The following ARHGAP26 variants were observed in gnomAD, a reference collection of about 807,000 sequenced individuals.
ARHGAP26 encodes Rho GTPase activating protein 26.
ARHGAP26 carries 38 observed loss-of-function variants against 104.8 expected under a neutral mutation model. The ratio of observed to expected loss-of-function variants is 0.36; its 90% confidence interval spans 0.28 to 0.48. ARHGAP26 has a LOEUF of 0.48. ARHGAP26 is among the 20% of genes least tolerant of loss of function. The probability of loss-of-function intolerance (pLI) is 0.99; values close to 1 mark genes in which losing one functional copy is unlikely to be tolerated. For synonymous variants in ARHGAP26, 341 were observed against 340.0 expected, an observed-to-expected ratio of 1.00 and a Z score of -0.03; for missense variants, 704 against 947.9, an observed-to-expected ratio of 0.74 and a Z score of 3.38.
rs947605475 is a variant in ARHGAP26 at position 142,850,831 on chromosome 5, G to A, written c.155-22569G>A. ...ATAAGGAATAGCTATTAGCTGGATA[G>A]CCAATGGATCTGAAAGGACTTTAAA... On this transcript the variant is annotated intron_variant, in intron 1 of 22. Transcript: ENST00000645722. Among the ~76,000 whole-genome samples, 4 of 152,344 alleles carry A rather than the reference G, an allele frequency of 2.6e-5. No individual in the cohort carries two copies. In the East Asian group the frequency reaches 7.7e-4, roughly 29 times the overall value.
intron 11 of ARHGAP26, among the ~76,000 whole-genome samples, chr5:142,949,178 A>AGAGAGAGAGAGAGAG (rs1767685407): frequency 1.3e-3 from 6 of 4,742 alleles, no homozygotes; most frequent in Admixed American, 3.1e-3. Flanking sequence ...AGAGAGAGAG[A>AGAGAGAGAGAGAGAG]GAGAGAGAGA....
chr5:143,127,582 T>C (rs1285133283), intron 18 of ARHGAP26, among the ~76,000 whole-genome samples: 6 of 152,160 alleles, frequency 3.9e-5, no homozygotes, highest in Admixed American at 3.9e-4. Context: ...TGACCCCCAC[T>C]TAACACCTGG....
intron 1 of ARHGAP26, chr5:142,867,842 T>C (rs903412382): frequency 1.3e-5 from 2 of 152,134 alleles, no homozygotes; most frequent in Non-Finnish European, 2.9e-5. Context: ...AGTTGGAGAG[T>C]TTGTCCTAAC....
At chr5:142,898,921 T>C (rs1489049791) in intron 6 of ARHGAP26, among the ~76,000 whole-genome samples, 4 of 152,182 alleles carry the variant, frequency 2.6e-5, no homozygotes, top group African/African-American at 9.7e-5. Flanking sequence ...AAATCTGTTG[T>C]CTCACAGTTC....
intron 11 of ARHGAP26, among the ~76,000 whole-genome samples, chr5:142,979,881 C>A (rs888296023): frequency 1.3e-5 from 2 of 152,308 alleles, no homozygotes; most frequent in Admixed American, 1.3e-4. Flanking sequence ...AAATCCCTGG[C>A]CAGCAGCTGG....
intron 20 of ARHGAP26, among the ~76,000 whole-genome samples, chr5:143,180,192 C>T (rs888016471): frequency 6.6e-6 from 1 of 152,142 alleles, no homozygotes; most frequent in Non-Finnish European, 1.5e-5. Context: ...GTGGTGCGAT[C>T]TTGGCTCACT....
rs140517398 is a variant in ARHGAP26 at position 142,869,433 on chromosome 5, C to G, written c.155-3967C>G. Among the ~76,000 whole-genome samples, 330 of 151,930 alleles carry G rather than the reference C, an allele frequency of 2.2e-3. 1 individual carries two copies. Among genetic ancestry groups the G allele is most frequent in the African/African-American group, 7.6e-3 (314 of 41,440 alleles). ...ATGAGGTTTCACTATGTTGGCCAGA[C>G]TGGTCTCGAACTCCTGACCTCATGA... On this transcript the variant is annotated intron_variant, in intron 1 of 22. Coordinates refer to ENST00000645722, the MANE Select transcript of ARHGAP26 (RefSeq NM_001135608.3).
intron 1 of ARHGAP26, among the ~76,000 whole-genome samples, chr5:142,801,612 G>GT (rs76073855): frequency 0.021 from 2,993 of 141,102 alleles, 42 homozygotes; most frequent in African/African-American, 0.047. Flanking sequence ...TTAGTAGAGG[G>GT]TTTTTTTTTT....
intron 12 of ARHGAP26, among the ~76,000 whole-genome samples, chr5:143,029,774 A>G (rs933116128): frequency 5.3e-5 from 8 of 152,146 alleles, no homozygotes; most frequent in African/African-American, 1.9e-4. Flanking sequence ...CCCACAAAAA[A>G]GGTTTGGTTT....
chr5:142,937,860 A>T (rs1765667598), intron 11 of ARHGAP26, among the ~76,000 whole-genome samples: 1 of 152,170 alleles, frequency 6.6e-6, no homozygotes, highest in Non-Finnish European at 1.5e-5. Context: ...TGGAATAGTG[A>T]TATCCAGGGT....
intron 17 of ARHGAP26, among the ~76,000 whole-genome samples, chr5:143,068,736 G>C (rs896993605): frequency 2.0e-5 from 3 of 152,244 alleles, no homozygotes; most frequent in Admixed American, 6.5e-5. Flanking sequence ...ATTTTTCTGT[G>C]CTTTTCCCAG....
Position 142,903,682 on chromosome 5 carries a change from A to C in ARHGAP26, c.832+13A>C, listed in dbSNP as rs1760692771. The C allele has an allele frequency of 6.2e-7, 1 of 1,612,426 alleles. No individual in the cohort carries two copies. On this transcript the variant is annotated intron_variant, in intron 8 of 22. Transcript: ENST00000645722. ...GTGCAGGAGAAACGTGAGTGCTTTG[A>C]CTAGCAACAGCTTGGGATGTACTCA...
chr5:143,032,885 G>A (rs929359316), intron 12 of ARHGAP26, among the ~76,000 whole-genome samples: 2 of 152,190 alleles, frequency 1.3e-5, no homozygotes, highest in Admixed American at 6.5e-5. Context: ...AGAGATGGGG[G>A]TCCCCAGGCA....
intron 20 of ARHGAP26, among the ~76,000 whole-genome samples, chr5:143,162,866 G>T (rs1801437827): frequency 6.6e-6 from 1 of 152,084 alleles, no homozygotes; most frequent in Non-Finnish European, 1.5e-5. Context: ...GGGTACAGTG[G>T]CCCACACCTG....
intron 1 of ARHGAP26, among the ~76,000 whole-genome samples, chr5:142,778,300 A>G (rs1756762878): frequency 6.6e-6 from 1 of 152,230 alleles, no homozygotes; most frequent in South Asian, 2.1e-4. Flanking sequence ...CAAAGACAAA[A>G]TATTATGACA....
intron 1 of ARHGAP26, among the ~76,000 whole-genome samples, chr5:142,817,089 A>G (rs998411684): frequency 2.6e-5 from 4 of 152,126 alleles, no homozygotes; most frequent in African/African-American, 9.7e-5. Flanking sequence ...TGAGACTTTA[A>G]TGATTCTTTT....
chr5:143,207,499 T>C (rs1808753694), intron 21 of ARHGAP26, 191 bp downstream of exon 21: 1 of 1,611,158 alleles, frequency 6.2e-7, no homozygotes, highest in African/African-American at 1.3e-5. Context: ...ATGACCAATC[T>C]GTTCCCGTTT....
At chr5:142,835,716 G>C (rs568841311) in intron 1 of ARHGAP26, among the ~76,000 whole-genome samples, 1 of 152,242 alleles carries the variant, frequency 6.6e-6, no homozygotes, top group South Asian at 2.1e-4. Flanking sequence ...TGTCTCACAG[G>C]GTTTGTGGGG....
chr5:142,807,812 A>C (rs1316258389), intron 1 of ARHGAP26, among the ~76,000 whole-genome samples: 1 of 152,144 alleles, frequency 6.6e-6, no homozygotes, highest in Non-Finnish European at 1.5e-5. Flanking sequence ...GTCCTTGGGA[A>C]CTGGGGACTT....
Sources: allele counts gnomAD v4.1 joint callset (sites outside exome capture counted in the v4.1 genomes callset), GRCh38; gene constraint gnomAD v4.1.1; transcripts MANE v1.5; gene names NCBI Gene and HGNC (gene_info 2026-07-23, HGNC 2026-07-21).